Variants in NEU3 observed in about 807,000 individuals in gnomAD.
The protein encoded by NEU3 is sialidase-3.
In NEU3, 10 loss-of-function variants were observed where a neutral mutation model predicts 11.4. That is an observed-to-expected ratio of 0.88 (90% CI 0.54 to 1.49). NEU3 has a LOEUF of 1.49. Among genes scored for constraint, NEU3 ranks in the 40% most tolerant of loss-of-function variants. The pLI, the probability that NEU3 is intolerant of heterozygous loss-of-function variation, is 0.00. For synonymous variants in NEU3, 212 were observed against 228.2 expected (o/e 0.93, Z 0.64); for missense variants, 529 against 581.8 (o/e 0.91, Z 0.93).
the NEU3 span, among the ~76,000 whole-genome samples, chr11:74,982,330 C>A: frequency 6.6e-6 from 1 of 152,150 alleles, no homozygotes; most frequent in African/African-American, 2.4e-5. Context: ...TTAAAACTTA[C>A]AGTGAGCAAT....
upstream of NEU3, among the ~76,000 whole-genome samples, chr11:74,987,865 A>G (rs1948683589): frequency 1.5e-5 from 2 of 137,472 alleles, no homozygotes; most frequent in Non-Finnish European, 3.1e-5. Context: ...TATTACGATG[A>G]GTTGGTCTCT....
chr11:75,011,915 T>A (rs1434997379), downstream of NEU3, among the ~76,000 whole-genome samples: 1 of 152,178 alleles, frequency 6.6e-6, no homozygotes, highest in Admixed American at 6.5e-5. Context: ...ACTTGCTCAT[T>A]GCCTGGCTTG....
rs866092956 is a variant in NEU3, at chr11:75,016,919, A to G, written c.*2-1772A>G. Among the ~76,000 whole-genome samples, 8 of 152,296 alleles carry G rather than the reference A, an allele frequency of 5.3e-5. No individual in the cohort carries two copies. The South Asian group carries it at 1.7e-3, about 32-fold the overall frequency. ...AAACCTTTTCTAAAGCCTGGTCTGA[A>G]CACTCTAGCCTGGCATCTGCTGTGT... is the stretch of plus-strand genomic sequence containing the variant. On this transcript the variant is annotated intron_variant, in intron 3 of 3. Coordinates refer to the NEU3 transcript ENST00000529024.
downstream of NEU3, among the ~76,000 whole-genome samples, chr11:75,013,044 T>TA (rs555342698): frequency 3.7e-4 from 57 of 152,312 alleles, 1 homozygote; most frequent in South Asian, 0.011. Flanking sequence ...TAAAGTTTGA[T>TA]AAACAGTATT....
downstream of NEU3, among the ~76,000 whole-genome samples, chr11:75,012,324 A>G (rs1196026493): frequency 6.6e-6 from 1 of 152,208 alleles, no homozygotes; most frequent in Non-Finnish European, 1.5e-5. Context: ...CAATGAACCT[A>G]TGCATTGTCA....
chr11:75,009,210 G>GCT lies in NEU3; in HGVS notation c.*2718_*2719insCT. ...CACCTTAGGAAGAGAAAGTGTCACAGACACGAGGCCTAGGCTAGAGAGATG... is the reference window on the plus strand; with the variant it reads ...CACCTTAGGAAGAGAAAGTGTCACAGCTACACGAGGCCTAGGCTAGAGAGATG... On this transcript the variant is annotated 3_prime_UTR_variant, in exon 3 of 3. Coordinates refer to ENST00000294064, the MANE Select transcript of NEU3 (RefSeq NM_006656.6). 6.6e-6 allele frequency: 1 copy of GCT among 152,284 alleles called. No homozygotes were observed. Among genetic ancestry groups the GCT allele is most frequent in the African/African-American group, 2.4e-5 (1 of 41,420 alleles). 9.4% of individuals were successfully genotyped at this position (152,284 alleles called of 1,614,324 possible).
At position 74,994,591 on chromosome 11, in the gene NEU3, C is replaced by A. The variant is rs542837204; in HGVS notation, c.177C>A (p.Ile59=). 3 of 1,613,878 alleles carry A rather than the reference C, an allele frequency of 1.9e-6. No homozygotes were observed. The highest frequency in any genetic ancestry group is 2.5e-6 in the Non-Finnish European group (3 of 1,179,878). The part of the protein sequence containing the change: ...QEDDRGITYR[I]PALLYIPPTH... ...ATGACAGAGGGATTACCTACCGGATCCCAGCCCTGCTCTACATACCCCCCA... is the reference window on the plus strand; with the variant it reads ...ATGACAGAGGGATTACCTACCGGATACCAGCCCTGCTCTACATACCCCCCA... Residue 59 remains isoleucine (I), a synonymous_variant, in exon 2 of 3, where the codon ATC becomes ATA. Coordinates refer to ENST00000294064, the MANE Select transcript of NEU3 (RefSeq NM_006656.6).
At chr11:75,019,929 C>A (rs1194100755), downstream of NEU3, among the ~76,000 whole-genome samples, 1 of 152,206 alleles carries the variant, frequency 6.6e-6, no homozygotes, top group Non-Finnish European at 1.5e-5. Flanking sequence ...GCTGCAGACA[C>A]TCAACGTCAG....
At chr11:74,998,054 T>C (rs1948810387) in intron 2 of NEU3, among the ~76,000 whole-genome samples, 3 of 152,238 alleles carry the variant, frequency 2.0e-5, no homozygotes, top group South Asian at 4.1e-4. Flanking sequence ...GGGTTACTAA[T>C]TGGCCTAATT....
At chr11:75,019,266 T>C (rs1948992941), downstream of NEU3, among the ~76,000 whole-genome samples, 1 of 152,244 alleles carries the variant, frequency 6.6e-6, no homozygotes, top group Non-Finnish European at 1.5e-5. Flanking sequence ...AGGAGCCGGA[T>C]GTTGATCCCC....
Position 74,994,668 on chromosome 11 carries a change from A to T in NEU3, c.254A>T (p.Asp85Val), listed in dbSNP as rs1207587009. ...AAGCGTTCTACGAGGAGAGATGAGG[A>T]TGCTCTCCACCTGGTGCTGAGGCGA... ...AEKRSTRRDE[D>V]ALHLVLRRGL... The change falls in exon 2 of 3, where the codon GAT becomes GTT. Residue 85 changes from aspartate to valine, a missense_variant. Physicochemically the swap from Asp to Val is radical, Grantham distance 152. Coordinates refer to ENST00000294064, the MANE Select transcript of NEU3 (RefSeq NM_006656.6). The T allele has an allele frequency of 3.7e-6, 6 of 1,613,808 alleles. No individual in the cohort carries two copies. Among genetic ancestry groups the T allele is most frequent in the South Asian group, 1.1e-5 (1 of 91,080 alleles).
intron 2 of NEU3, among the ~76,000 whole-genome samples, chr11:74,999,084 G>A (rs1451338478): frequency 6.6e-6 from 1 of 152,090 alleles, no homozygotes; most frequent in Non-Finnish European, 1.5e-5. Flanking sequence ...GAGTAGCTAC[G>A]ACTACAGGTG....
the NEU3 span, among the ~76,000 whole-genome samples, chr11:74,982,841 T>C: frequency 6.6e-6 from 1 of 152,078 alleles, no homozygotes; most frequent in Non-Finnish European, 1.5e-5. Flanking sequence ...GGAGTCAAAG[T>C]GGGATTACTT....
chr11:75,003,426 TTTTG>T (rs1255763605), intron 2 of NEU3, among the ~76,000 whole-genome samples: 1 of 152,220 alleles, frequency 6.6e-6, no homozygotes, highest in Non-Finnish European at 1.5e-5. Context: ...CTTTCAGATA[TTTTG>T]TTTTTGTTTA....
intron 3 of NEU3, among the ~76,000 whole-genome samples, chr11:75,017,237 G>A (rs909621504): frequency 6.6e-6 from 1 of 152,148 alleles, no homozygotes; most frequent in African/African-American, 2.4e-5. Context: ...GAGGGCATAG[G>A]TCTTATACTA....
downstream of NEU3, among the ~76,000 whole-genome samples, chr11:75,013,007 G>T (rs1948965302): frequency 6.6e-6 from 1 of 152,028 alleles, no homozygotes; most frequent in Admixed American, 6.5e-5. Flanking sequence ...GTCGCATGAA[G>T]ATTGTCTGAC....
At chr11:74,986,878 G>T (rs725460), upstream of NEU3, among the ~76,000 whole-genome samples, 41,072 of 151,766 alleles carry the variant, frequency 0.27, 6,235 homozygotes, top group East Asian at 0.54. Flanking sequence ...CTGTTTTGTT[G>T]TTCTTATCTC....
intron 2 of NEU3, among the ~76,000 whole-genome samples, chr11:75,001,529 C>T (rs1310131048): frequency 2.0e-5 from 3 of 152,074 alleles, no homozygotes; most frequent in East Asian, 3.8e-4. Context: ...GTAATCCACC[C>T]GCCTTGACCT....
At chr11:75,012,785 A>T (rs1948964344), downstream of NEU3, among the ~76,000 whole-genome samples, 1 of 152,200 alleles carries the variant, frequency 6.6e-6, no homozygotes, top group African/African-American at 2.4e-5. Context: ...GATCAAAAGT[A>T]GCAACGAGCA....
Sources: allele counts gnomAD v4.1 joint callset (sites outside exome capture counted in the v4.1 genomes callset), GRCh38; gene constraint gnomAD v4.1.1; transcripts MANE v1.5; gene names NCBI Gene and HGNC (gene_info 2026-07-23, HGNC 2026-07-21).